Variants in SETD4 observed in about 807,000 individuals in gnomAD.
SETD4 encodes SET domain-containing protein 4.
SETD4 carries 46 observed loss-of-function variants against 58.3 expected under a neutral mutation model. That is an observed-to-expected ratio of 0.79 (90% CI 0.62 to 1.01). The LOEUF (loss-of-function observed/expected upper bound fraction) is 1.01. Among genes scored for constraint, SETD4 ranks in the 50% least tolerant of loss-of-function variants. The probability of loss-of-function intolerance (pLI) is 0.00; values close to 1 mark genes in which losing one functional copy is unlikely to be tolerated. For missense variants in SETD4, 490 were observed against 523.3 expected, an observed-to-expected ratio of 0.94 and a Z score of 0.62; for synonymous variants, 190 against 202.6, an observed-to-expected ratio of 0.94 and a Z score of 0.53.
At chr21:36,036,720 C>T (rs1381283963) in intron 10 of SETD4, 3 of 757,438 alleles carry the variant, frequency 4.0e-6, no homozygotes, top group Non-Finnish European at 3.2e-6. Flanking sequence ...CTTGAAGTCA[C>T]ACAGTAACTT....
chr21:36,049,704 A>C (rs1395030154), intron 4 of SETD4, among the ~76,000 whole-genome samples: 1 of 152,156 alleles, frequency 6.6e-6, no homozygotes, highest in Admixed American at 6.5e-5. Context: ...ATTTGGGTAA[A>C]TCTCTTTATC....
rs34827028 is a variant in SETD4 at position 36,047,834 on chromosome 21, C to CAAA, written c.296+471_296+473dup. ...TGAAACCCTGTCTCTACTAAAAATA[C>CAAA]AAAAAAAAAAAAAAAAAAAAAATTA... is the stretch of plus-strand genomic sequence containing the variant. On this transcript the variant is annotated intron_variant, in intron 5 of 11. Transcript: ENST00000332131. Among the ~76,000 whole-genome samples the CAAA allele has an allele frequency of 4.8e-3, 342 of 70,878 alleles. 4 individuals carry two copies. The highest frequency in any genetic ancestry group is 0.015 in the African/African-American group (273 of 18,060). 46.5% of individuals were successfully genotyped at this position (70,878 alleles called of 152,430 possible). A position where few individuals can be genotyped will look rare whatever the true frequency, so the allele number is the denominator to read the frequency against.
intron 6 of SETD4, among the ~76,000 whole-genome samples, 156 bp downstream of exon 6, chr21:36,045,423 GAAC>G (rs775718892): frequency 2.6e-5 from 4 of 152,172 alleles, no homozygotes; most frequent in African/African-American, 9.7e-5. Flanking sequence ...GGGTCTAGAA[GAAC>G]AACAGGAGCC....
chr21:36,049,865 GT>G, intron 4 of SETD4, among the ~76,000 whole-genome samples: 1 of 152,304 alleles, frequency 6.6e-6, no homozygotes, highest in Middle Eastern at 3.4e-3. Context: ...ACTACCTGTA[GT>G]TACTGCTGCA....
At chr21:36,039,286 G>T (rs2063930300) in intron 9 of SETD4, among the ~76,000 whole-genome samples, 1 of 152,184 alleles carries the variant, frequency 6.6e-6, no homozygotes, top group Non-Finnish European at 1.5e-5. Context: ...CACCCTGAGT[G>T]ACAGAGCTAG....
Position 36,041,885 on chromosome 21 carries a change from A to C in SETD4, c.905T>G (p.Ile302Arg), listed in dbSNP as rs887418273. The C allele has an allele frequency of 7.4e-7, 1 of 1,351,648 alleles. No individual in the cohort carries two copies. Among genetic ancestry groups the C allele is most frequent in the East Asian group, 2.6e-5 (1 of 38,956 alleles). The allele number at this position is 1,351,648 out of a possible 1,614,324, so 83.7% of individuals were successfully genotyped here. Residue 302 changes from isoleucine (I) to arginine (R), a missense_variant, in exon 8 of 12, where the codon ATA becomes AGA. Coordinates refer to ENST00000332131, the MANE Select transcript of SETD4 (RefSeq NM_017438.5). ...PHACVYVSRE[I>R]LVKYLPSTDK... ...TGTTGATGGAAGATATTTAACAAGT[A>C]TTTCTATATTCAAAAAAAAAAATCA... is the stretch of plus-strand genomic sequence containing the variant.
chr21:36,051,471 G>C (rs1042433041), intron 4 of SETD4: 17 of 1,369,260 alleles, frequency 1.2e-5, no homozygotes, highest in Non-Finnish European at 1.5e-5. Flanking sequence ...GTTCATGGAG[G>C]ATGCTCAGGA....
At chr21:36,059,020 A>C (rs1414165694) in intron 1 of SETD4, 96 bp from the exon 2 acceptor site, 33 of 1,340,900 alleles carry the variant, frequency 2.5e-5, no homozygotes, top group African/African-American at 2.9e-5. Flanking sequence ...TTATATGATA[A>C]TCACTGTTCT....
At chr21:36,053,542 A>G (rs1448161952) in intron 4 of SETD4, 41 bp downstream of exon 4, 1 of 1,610,716 alleles carries the variant, frequency 6.2e-7, no homozygotes, top group Admixed American at 1.7e-5. Context: ...CAAAGCAGCA[A>G]AATCTACATT....
chr21:36,052,612 C>T (rs2064774269), intron 4 of SETD4, among the ~76,000 whole-genome samples: 1 of 149,982 alleles, frequency 6.7e-6, no homozygotes, highest in South Asian at 2.1e-4. Context: ...AGATACCATT[C>T]CTTAGCCTAA....
intron 7 of SETD4, 136 bp downstream of exon 7, chr21:36,043,646 G>A: frequency 6.8e-7 from 1 of 1,461,606 alleles, no homozygotes; most frequent in Non-Finnish European, 9.0e-7. Flanking sequence ...GTAAGGCTAG[G>A]CCTACCTAGA....
intron 9 of SETD4, among the ~76,000 whole-genome samples, chr21:36,039,078 G>T (rs149494423): frequency 6.6e-6 from 1 of 152,062 alleles, no homozygotes; most frequent in Non-Finnish European, 1.5e-5. Context: ...GACACAGCCC[G>T]GAATAGTCTC....
At chr21:36,060,101 T>A in intron 1 of SETD4, 1 of 985,562 alleles carries the variant, frequency 1.0e-6, no homozygotes, top group East Asian at 1.1e-4. Context: ...CAGGCGAGCA[T>A]CGGACCTCGG....
chr21:36,059,061 T>C lies in SETD4; in HGVS notation c.-36-137A>G, dbSNP rs186095793. ...CCTTTAAGTATACAAATGTATGTTT[T>C]GGTAAACTGTTTCTCTCAAGTGCTT... On this transcript the variant is annotated intron_variant, in intron 1 of 11. Coordinates refer to ENST00000332131, the MANE Select transcript of SETD4 (RefSeq NM_017438.5). 1.7e-4 allele frequency: 186 copies of C among 1,066,746 alleles called. No homozygotes were observed. In the African/African-American group the frequency reaches 2.6e-3, roughly 15 times the overall value. The allele number at this position is 1,066,746 out of a possible 1,614,324, so 66.1% of individuals were successfully genotyped here.
chr21:36,051,060 G>A, intron 4 of SETD4: 1 of 1,454,952 alleles, frequency 6.9e-7, no homozygotes, highest in Non-Finnish European at 9.7e-7. Flanking sequence ...CAATGCAAAT[G>A]TAGGTTTCAT....
At chr21:36,039,076 C>T (rs2063919851) in intron 9 of SETD4, among the ~76,000 whole-genome samples, 1 of 151,884 alleles carries the variant, frequency 6.6e-6, no homozygotes, top group African/African-American at 2.4e-5. Flanking sequence ...AAGACACAGC[C>T]CGGAATAGTC....
chr21:36,049,871 G>A (rs1196497181), intron 4 of SETD4, among the ~76,000 whole-genome samples: 1 of 152,192 alleles, frequency 6.6e-6, no homozygotes. Flanking sequence ...TGTAGTTACT[G>A]CTGCATACAT....
chr21:36,047,288 A>G (rs2064375375), intron 5 of SETD4, among the ~76,000 whole-genome samples: 1 of 152,124 alleles, frequency 6.6e-6, no homozygotes, highest in African/African-American at 2.4e-5. Context: ...TACTCTTTCA[A>G]CCCTTGTATT....
Position 36,041,863 on chromosome 21 carries a change from T to C in SETD4, c.927A>G (p.Ser309=). Residue 309 remains serine (S), a synonymous_variant, in exon 8 of 12, where the codon TCA becomes TCG. Transcript: ENST00000332131. The part of the protein sequence containing the change: ...SREILVKYLP[S]TDKQMDKKIS... ...TCTTTTTGTCCATCTGTTTATCTGT[T>C]GATGGAAGATATTTAACAAGTATTT... The C allele has an allele frequency of 1.4e-6, 2 of 1,479,252 alleles. No homozygotes were observed. The highest frequency in any genetic ancestry group is 1.8e-6 in the Non-Finnish European group (2 of 1,089,056). The allele number at this position is 1,479,252 out of a possible 1,614,324, so 91.6% of individuals were successfully genotyped here.
Sources: allele counts gnomAD v4.1 joint callset (sites outside exome capture counted in the v4.1 genomes callset), GRCh38; gene constraint gnomAD v4.1.1; transcripts MANE v1.5; gene names NCBI Gene and HGNC (gene_info 2026-07-23, HGNC 2026-07-21).